The following PPM1G variants were observed in gnomAD, a reference collection of about 807,000 sequenced individuals.
PPM1G encodes the protein protein phosphatase, Mg2+/Mn2+ dependent 1G.
Under a neutral mutation model 59.4 loss-of-function variants are expected in PPM1G, and 12 were observed. The observed-to-expected ratio is 0.20, with a 90% CI of 0.13 to 0.33. The LOEUF (loss-of-function observed/expected upper bound fraction) is 0.33, where lower values mean the gene tolerates loss of function less well. PPM1G is among the 10% of genes least tolerant of loss of function. PPM1G has a pLI of 1.00. For missense variants in PPM1G, 392 were observed against 681.3 expected (o/e 0.58, Z 4.73); for synonymous variants, 245 against 251.9 (o/e 0.97, Z 0.26).
rs751386741 is a variant in PPM1G, at chr2:27,382,270, A to G, written c.1332-42T>C. ...CAGTCAGAATCTTCCAGTCTCACTA[A>G]GGCAGCGTAGAGGAGTATGGACAGA... is the stretch of plus-strand genomic sequence containing the variant. On this transcript the variant is annotated intron_variant, in intron 8 of 9. Transcript: ENST00000344034. This position sits in a 1 kb window ranked among gnomAD's most constrained non-coding sequence, Gnocchi z 4.2. 6.3e-7 allele frequency: 1 copy of G among 1,597,998 alleles called. No homozygotes were observed. The highest frequency in any genetic ancestry group is 1.1e-5 in the South Asian group (1 of 90,724).
rs1196258786 is a variant in PPM1G at position 27,382,847 on chromosome 2, C to T, written c.1202-242G>A. 3.3e-4 allele frequency among the ~76,000 whole-genome samples: 47 copies of T among 140,786 alleles called. No homozygotes were observed. The highest frequency in any genetic ancestry group is 9.3e-4 in the African/African-American group (34 of 36,630). 92.4% of individuals were successfully genotyped at this position (140,786 alleles called of 152,430 possible). A position where few individuals can be genotyped will look rare whatever the true frequency, so the allele number is the denominator to read the frequency against. On this transcript the variant is annotated intron_variant, in intron 7 of 9. Transcript: ENST00000344034. The surrounding 1 kb of genome is among the most constrained non-coding windows in gnomAD (Gnocchi z 4.2). ...CTTTTTTGTTTTTTTTTTTTTGAGA[C>T]GGAGTTTCACTCTTGTAGCCCAGGC...
rs967297017 is a variant in PPM1G at position 27,398,850 on chromosome 2, G to A, written c.120+10453C>T. ...AAAAAAAGAAAAAAAAAGAAAGAAAGCCAGCAAAAAGAATCAGGGTGTAGT... is the reference window on the plus strand; with the variant it reads ...AAAAAAAGAAAAAAAAAGAAAGAAAACCAGCAAAAAGAATCAGGGTGTAGT... On this transcript the variant is annotated intron_variant, in intron 1 of 9. Transcript: ENST00000344034. 2.0e-5 allele frequency among the ~76,000 whole-genome samples: 3 copies of A among 150,808 alleles called. No individual in the cohort carries two copies. In the Admixed American group the frequency reaches 2.0e-4, roughly 10 times the overall value.
At chr2:27,392,462 T>C (rs1418005881) in intron 1 of PPM1G, among the ~76,000 whole-genome samples, 2 of 151,228 alleles carry the variant, frequency 1.3e-5, no homozygotes, top group African/African-American at 2.4e-5. Flanking sequence ...GACTGGCTAG[T>C]TTTTATATTT....
chr2:27,393,242 A>T lies in PPM1G; in HGVS notation c.121-6084T>A, dbSNP rs1437172633. 5.7e-6 allele frequency: 9 copies of T among 1,579,152 alleles called. No individual in the cohort carries two copies. The South Asian group carries it at 9.9e-5, about 17-fold the overall frequency. ...TCTTCAAAGCCACATCATCGCTGTC[A>T]AAGTAGTAAGCCACGCACAGGTAAA... On this transcript the variant is annotated intron_variant, in intron 1 of 9. Transcript: ENST00000344034.
intron 1 of PPM1G, among the ~76,000 whole-genome samples, chr2:27,396,251 G>A (rs904041047): frequency 1.6e-4 from 24 of 152,204 alleles, no homozygotes; most frequent in Admixed American, 1.2e-3. Context: ...CAGCCTGGGC[G>A]ACAGAGCAGG....
chr2:27,394,148 C>A (rs902281587), intron 1 of PPM1G, among the ~76,000 whole-genome samples: 1 of 152,086 alleles, frequency 6.6e-6, no homozygotes, highest in Non-Finnish European at 1.5e-5. Flanking sequence ...CCGCCTGCCT[C>A]GGCCTCCCAA....
Position 27,382,101 on chromosome 2 carries a change from C to G in PPM1G, c.1434+25G>C, listed in dbSNP as rs779823863. ...ACCCTGGCTGTGCAGACCAGACACCCTCTCTTCTCCACCCTGGTACTCACC... is the reference window on the plus strand; with the variant it reads ...ACCCTGGCTGTGCAGACCAGACACCGTCTCTTCTCCACCCTGGTACTCACC... On this transcript the variant is annotated intron_variant, in intron 9 of 9. Transcript: ENST00000344034. This position sits in a 1 kb window ranked among gnomAD's most constrained non-coding sequence, Gnocchi z 4.2. The G allele has an allele frequency of 6.3e-7, 1 of 1,599,916 alleles. No homozygotes were observed. Among genetic ancestry groups the G allele is most frequent in the Non-Finnish European group, 8.6e-7 (1 of 1,167,242 alleles).
intron 3 of PPM1G, 128 bp downstream of exon 3, chr2:27,386,066 G>T: frequency 1.6e-6 from 2 of 1,244,978 alleles, no homozygotes; most frequent in Non-Finnish European, 1.1e-6. Context: ...GCTCGTTTTA[G>T]GAACAGAATT....
chr2:27,395,168 A>G (rs1252578569), intron 1 of PPM1G, among the ~76,000 whole-genome samples: 2 of 146,602 alleles, frequency 1.4e-5, no homozygotes, highest in East Asian at 4.1e-4. Context: ...TGGGAGGCAG[A>G]GGTTACAATG....
At chr2:27,392,756 T>C (rs906997829) in intron 1 of PPM1G, 17 of 1,348,514 alleles carry the variant, frequency 1.3e-5, no homozygotes, top group Admixed American at 1.2e-4. Flanking sequence ...TAAGTCACCC[T>C]ATGGCTATGG....
intron 1 of PPM1G, chr2:27,393,414 G>A (rs753379366): frequency 4.0e-6 from 5 of 1,238,780 alleles, no homozygotes; most frequent in Admixed American, 3.7e-5. Flanking sequence ...GTGGCTACGC[G>A]GCGCTGGAGC....
Position 27,385,293 on chromosome 2 carries a change from T to A in PPM1G, c.410-205A>T. ...TGGTTTTTGTGTTTCATCCCCTTCTTAATCAAAACAACACTAGTTACTATA... is the reference window on the plus strand; with the variant it reads ...TGGTTTTTGTGTTTCATCCCCTTCTAAATCAAAACAACACTAGTTACTATA... On this transcript the variant is annotated intron_variant, in intron 4 of 9. Coordinates refer to ENST00000344034, the MANE Select transcript of PPM1G (RefSeq NM_177983.3). The surrounding 1 kb of genome is among the most constrained non-coding windows in gnomAD (Gnocchi z 4.1). 1 of 557,902 alleles carries A rather than the reference T, an allele frequency of 1.8e-6. No homozygotes were observed. Among genetic ancestry groups the A allele is most frequent in the Non-Finnish European group, 3.1e-6 (1 of 326,628 alleles). The allele number at this position is 557,902 out of a possible 1,614,324, so 34.6% of individuals were successfully genotyped here. A position where few individuals can be genotyped will look rare whatever the true frequency, so the allele number is the denominator to read the frequency against.
chr2:27,406,709 C>T (rs1435465228), intron 1 of PPM1G, among the ~76,000 whole-genome samples: 2 of 151,920 alleles, frequency 1.3e-5, no homozygotes, highest in Admixed American at 6.6e-5. Flanking sequence ...GGCAAACCAA[C>T]GTGAAACACT....
intron 2 of PPM1G, 152 bp downstream of exon 2, chr2:27,386,937 A>C: frequency 1.6e-6 from 1 of 625,418 alleles, no homozygotes; most frequent in East Asian, 2.8e-5. Flanking sequence ...ACTGGGAAAA[A>C]AGAATGACAG....
At chr2:27,390,027 T>G (rs1683860074) in intron 1 of PPM1G, among the ~76,000 whole-genome samples, 1 of 118,338 alleles carries the variant, frequency 8.5e-6, no homozygotes, top group African/African-American at 4.3e-5. Flanking sequence ...TTTCAGCATC[T>G]TGTTTTCTTT....
intron 1 of PPM1G, among the ~76,000 whole-genome samples, chr2:27,390,002 G>A (rs1683858570): frequency 6.6e-6 from 1 of 151,722 alleles, no homozygotes; most frequent in Admixed American, 6.6e-5. Context: ...CACATTGACT[G>A]TGGTAATTAC....
chr2:27,404,735 G>A (rs941531867), intron 1 of PPM1G, among the ~76,000 whole-genome samples: 6 of 151,326 alleles, frequency 4.0e-5, no homozygotes, highest in Non-Finnish European at 8.8e-5. Context: ...AAGAGGTCAG[G>A]AGTTGGAGAC....
chr2:27,393,118 G>A, intron 1 of PPM1G: 2 of 1,324,192 alleles, frequency 1.5e-6, no homozygotes, highest in Admixed American at 3.4e-5. Context: ...TTGATATCCT[G>A]AAGGAAGATT....
rs142918816 is a variant in PPM1G at position 27,384,963 on chromosome 2, C to T, written c.535G>A (p.Glu179Lys). The stretch of plus-strand genomic sequence containing the variant: ...TTGAGGCCCTGGGACCCTGGTTCCT[C>T]GCCTGTCCCACCTCCAGATTTGCTG... ...PHSKSGGGTGEEPGSQGLNGE... is the reference protein window; with the variant it reads ...PHSKSGGGTGKEPGSQGLNGE... The change falls in exon 5 of 10, where the codon GAG (glutamate) becomes AAG (lysine). Residue 179 changes from glutamate (E) to lysine (K), a missense_variant. Physicochemically the swap from Glu to Lys is moderately conservative, Grantham distance 56. Transcript: ENST00000344034. The surrounding 1 kb of genome is among the most constrained non-coding windows in gnomAD (Gnocchi z 4.8). 502 of 1,614,210 alleles carry T rather than the reference C, an allele frequency of 3.1e-4. 3 individuals are homozygous for T. The highest frequency in any genetic ancestry group is 1.6e-4 in the Middle Eastern group (1 of 6,062).
Sources: allele counts gnomAD v4.1 joint callset (sites outside exome capture counted in the v4.1 genomes callset), GRCh38; gene constraint gnomAD v4.1.1; non-coding constraint Gnocchi (gnomAD v3.1); transcripts MANE v1.5; gene names NCBI Gene and HGNC (gene_info 2026-07-23, HGNC 2026-07-21).